C1orf21: variants seen among roughly 807,000 people sequenced by gnomAD.
The protein encoded by C1orf21 is chromosome 1 open reading frame 21, also known as uncharacterized protein C1orf21.
C1orf21 carries 3 observed loss-of-function variants against 18.7 expected under a neutral mutation model. That is an observed-to-expected ratio of 0.16 (90% CI 0.07 to 0.42). The LOEUF is 0.42. C1orf21 is among the 10% of genes least tolerant of loss of function. The pLI is 0.99. For synonymous variants in C1orf21, 41 were observed against 46.4 expected, an observed-to-expected ratio of 0.88 and a Z score of 0.47; for missense variants, 104 against 143.6, an observed-to-expected ratio of 0.72 and a Z score of 1.41.
At chr1:184,406,143 T>G (rs1656244815) in intron 1 of C1orf21, among the ~76,000 whole-genome samples, 1 of 152,224 alleles carries the variant, frequency 6.6e-6, no homozygotes, top group African/African-American at 2.4e-5. Context: ...ATTTTTCACT[T>G]TTTTGGGGAT....
intron 3 of C1orf21, among the ~76,000 whole-genome samples, chr1:184,533,124 C>T (rs536904451): frequency 1.1e-4 from 16 of 152,198 alleles, no homozygotes; most frequent in Non-Finnish European, 2.9e-5. Context: ...TGACCTCTCA[C>T]TCCTCTCTGG....
intron 1 of C1orf21, among the ~76,000 whole-genome samples, chr1:184,439,070 G>A (rs949673365): frequency 6.6e-6 from 1 of 152,016 alleles, no homozygotes; most frequent in African/African-American, 2.4e-5. Context: ...AACTGGCCAG[G>A]CGTGGTGGTG....
intron 3 of C1orf21, among the ~76,000 whole-genome samples, chr1:184,521,917 C>T (rs2101969516): frequency 6.6e-6 from 1 of 152,140 alleles, no homozygotes; most frequent in Admixed American, 6.5e-5. Flanking sequence ...GACTGTGAGA[C>T]CAAAACTAAA....
chr1:184,396,220 TTATAA>T (rs1380139014), intron 1 of C1orf21, among the ~76,000 whole-genome samples: 2 of 152,140 alleles, frequency 1.3e-5, no homozygotes, highest in African/African-American at 4.8e-5. Flanking sequence ...CACTGAAAGA[TTATAA>T]AGAGAGAAAA....
chr1:184,599,453 T>A (rs1659558307), intron 5 of C1orf21: 1 of 152,178 alleles, frequency 6.6e-6, no homozygotes, highest in Non-Finnish European at 1.5e-5. Flanking sequence ...ACATGGACCC[T>A]CTGAGAGAAT....
chr1:184,517,810 C>T (rs1367615982), intron 3 of C1orf21, among the ~76,000 whole-genome samples: 2 of 152,058 alleles, frequency 1.3e-5, no homozygotes, highest in Non-Finnish European at 2.9e-5. Flanking sequence ...TAATAAATAC[C>T]ATTTTAAAGC....
chr1:184,560,927 C>G (rs1278655587), intron 3 of C1orf21, among the ~76,000 whole-genome samples: 1 of 152,100 alleles, frequency 6.6e-6, no homozygotes, highest in Non-Finnish European at 1.5e-5. Flanking sequence ...ATTAGTACGC[C>G]AGTTATCTGT....
chr1:184,519,287 A>G (rs977606626), intron 3 of C1orf21, among the ~76,000 whole-genome samples: 2 of 152,196 alleles, frequency 1.3e-5, no homozygotes, highest in Non-Finnish European at 2.9e-5. Flanking sequence ...CCAGTAAAGG[A>G]TAGCATCTAG....
At chr1:184,406,533 A>C (rs1210785986) in intron 1 of C1orf21, among the ~76,000 whole-genome samples, 1 of 152,208 alleles carries the variant, frequency 6.6e-6, no homozygotes, top group Admixed American at 6.5e-5. Context: ...CTGGGTTAAC[A>C]CTGCTGGTCT....
At chr1:184,577,525 TAAAG>T (rs1265558461) in intron 3 of C1orf21, among the ~76,000 whole-genome samples, 2 of 152,148 alleles carry the variant, frequency 1.3e-5, no homozygotes, top group Non-Finnish European at 2.9e-5. Flanking sequence ...GTTTTGGAAT[TAAAG>T]AGAGTTGTGG....
intron 3 of C1orf21, among the ~76,000 whole-genome samples, chr1:184,512,620 G>A (rs1255106705): frequency 6.6e-6 from 1 of 152,192 alleles, no homozygotes; most frequent in Admixed American, 6.5e-5. Context: ...GTGTAAAGTA[G>A]TAGCATTTGC....
intron 3 of C1orf21, among the ~76,000 whole-genome samples, chr1:184,523,144 A>C (rs1034491601): frequency 6.6e-6 from 1 of 152,216 alleles, no homozygotes; most frequent in East Asian, 1.9e-4. Context: ...GAGGTGGAAC[A>C]TTACTTCTCA....
At chr1:184,464,141 C>T (rs143485503) in intron 1 of C1orf21, among the ~76,000 whole-genome samples, 3 of 152,292 alleles carry the variant, frequency 2.0e-5, no homozygotes, top group South Asian at 2.1e-4. Context: ...GGAGTTAAAA[C>T]TTTCTTTTGG....
intron 1 of C1orf21, among the ~76,000 whole-genome samples, chr1:184,459,453 A>C (rs928089856): frequency 6.6e-6 from 1 of 152,242 alleles, no homozygotes; most frequent in Non-Finnish European, 1.5e-5. Flanking sequence ...TGCAGCTCTC[A>C]TTCTTTATTT....
intron 3 of C1orf21, among the ~76,000 whole-genome samples, chr1:184,535,894 T>A (rs1011083360): frequency 6.6e-6 from 1 of 150,942 alleles, no homozygotes; most frequent in Non-Finnish European, 1.5e-5. Context: ...TTCCATTTGC[T>A]TTATACTCTG....
intron 1 of C1orf21, among the ~76,000 whole-genome samples, chr1:184,474,566 G>C (rs969669280): frequency 6.6e-6 from 1 of 152,156 alleles, no homozygotes; most frequent in African/African-American, 2.4e-5. Context: ...AGTAGCAAAG[G>C]ATAAGTCATG....
At chr1:184,484,787 T>C (rs1324257861) in intron 2 of C1orf21, among the ~76,000 whole-genome samples, 1 of 152,230 alleles carries the variant, frequency 6.6e-6, no homozygotes, top group Non-Finnish European at 1.5e-5. Context: ...AGAATTTGGC[T>C]GCTTTCTTTC....
At chr1:184,533,753 A>G (rs1658505428) in intron 3 of C1orf21, among the ~76,000 whole-genome samples, 1 of 152,198 alleles carries the variant, frequency 6.6e-6, no homozygotes, top group Admixed American at 6.5e-5. Flanking sequence ...CCTTCAGGAA[A>G]GGGTGAATGG....
intron 1 of C1orf21, among the ~76,000 whole-genome samples, chr1:184,397,822 A>G (rs1656085396): frequency 6.6e-6 from 1 of 152,202 alleles, no homozygotes; most frequent in East Asian, 1.9e-4. Flanking sequence ...GTGTGCGTTA[A>G]TTTGTAAGGG....
Sources: allele counts gnomAD v4.1 joint callset (sites outside exome capture counted in the v4.1 genomes callset), GRCh38; gene constraint gnomAD v4.1.1; transcripts MANE v1.5; gene names NCBI Gene and HGNC (gene_info 2026-07-23, HGNC 2026-07-21).